ALPK1: variants seen among roughly 807,000 people sequenced by gnomAD.
ALPK1 encodes alpha kinase 1, also known as alpha-protein kinase 1.
Under a neutral mutation model 120.6 loss-of-function variants are expected in ALPK1, and 110 were observed. The observed-to-expected ratio is 0.91, with a 90% CI of 0.78 to 1.07. The LOEUF is 1.07. Among genes scored for constraint, ALPK1 ranks in the 50% least tolerant of loss-of-function variants. The pLI, the probability that ALPK1 is intolerant of heterozygous loss-of-function variation, is 0.00. For synonymous variants in ALPK1, 582 were observed against 560.3 expected (o/e 1.04, Z -0.55); for missense variants, 1,498 against 1,483.9 (o/e 1.01, Z -0.16).
chr4:112,382,316 T>A, intron 3 of ALPK1, 82 bp from the exon 4 acceptor site: 5 of 912,574 alleles, frequency 5.5e-6, no homozygotes, highest in Non-Finnish European at 8.0e-6. Flanking sequence ...TTTTTGCCAC[T>A]GAGGTGCTTC....
chr4:112,331,352 TGA>T (rs1313904773), intron 2 of ALPK1, among the ~76,000 whole-genome samples: 1 of 152,240 alleles, frequency 6.6e-6, no homozygotes, highest in Non-Finnish European at 1.5e-5. Context: ...AAACCCATTC[TGA>T]GAGGTCCATC....
At chr4:112,432,652 A>G (rs1326898104) in intron 11 of ALPK1, 71 bp downstream of exon 11, 11 of 1,415,940 alleles carry the variant, frequency 7.8e-6, no homozygotes, top group South Asian at 1.3e-5. Context: ...AGAGCTTGGT[A>G]TGTAGATCAC....
intron 5 of ALPK1, among the ~76,000 whole-genome samples, chr4:112,415,526 A>C (rs1733701950): frequency 6.6e-6 from 1 of 152,038 alleles, no homozygotes; most frequent in Non-Finnish European, 1.5e-5. Flanking sequence ...AATCCCAGCT[A>C]CTTGGGAGGC....
At chr4:112,299,201 T>C (rs947760807) in intron 1 of ALPK1, among the ~76,000 whole-genome samples, 1 of 152,150 alleles carries the variant, frequency 6.6e-6, no homozygotes, top group Non-Finnish European at 1.5e-5. Flanking sequence ...TATAGAGAAC[T>C]GTGGGATAGA....
At chr4:112,329,902 G>A (rs1465015206) in intron 2 of ALPK1, among the ~76,000 whole-genome samples, 1 of 152,224 alleles carries the variant, frequency 6.6e-6, no homozygotes, top group Non-Finnish European at 1.5e-5. Context: ...CTGTGTGACA[G>A]AGTTGCTAAG....
At chr4:112,324,778 G>T (rs17589619) in intron 2 of ALPK1, among the ~76,000 whole-genome samples, 3,063 of 152,232 alleles carry the variant, frequency 0.02, 103 homozygotes, top group East Asian at 0.15. Context: ...CACCAGGCCT[G>T]ATCTCTCATT....
chr4:112,316,885 G>T (rs1289668429), intron 2 of ALPK1, among the ~76,000 whole-genome samples: 1 of 151,946 alleles, frequency 6.6e-6, no homozygotes, highest in Non-Finnish European at 1.5e-5. Context: ...ATCAAGGAAT[G>T]ACTCGCATTC....
At chr4:112,320,893 C>CT (rs1430803675) in intron 2 of ALPK1, among the ~76,000 whole-genome samples, 11 of 119,210 alleles carry the variant, frequency 9.2e-5, no homozygotes, top group African/African-American at 3.4e-4. Context: ...TCACCCATTT[C>CT]TTTCTTTTTT....
In ALPK1 at chr4:112,431,079, A is replaced by G. The variant is rs761155652; in HGVS notation, c.1532A>G (p.His511Arg). Residue 511 changes from histidine to arginine, a missense_variant, in exon 11 of 16, where the codon CAT (histidine) becomes CGT (arginine). Transcript: ENST00000650871. Reference protein sequence around the residue: ...DTVSTTQEKPHCQRDTGISSS... With the variant: ...DTVSTTQEKPRCQRDTGISSS... ...GTGAGTACTACTCAAGAAAAGCCACATTGTCAAAGAGACACAGGAATATCT... is the reference window on the plus strand; with the variant it reads ...GTGAGTACTACTCAAGAAAAGCCACGTTGTCAAAGAGACACAGGAATATCT... 1.9e-6 allele frequency: 3 copies of G among 1,614,258 alleles called. No individual in the cohort carries two copies. The highest frequency in any genetic ancestry group is 3.3e-5 in the Admixed American group (2 of 60,034).
Position 112,437,179 on chromosome 4 carries a change from A to G in ALPK1, c.3189-1305A>G, listed in dbSNP as rs544242933. Among the ~76,000 whole-genome samples the G allele has an allele frequency of 1.4e-4, 22 of 152,298 alleles. 1 individual carries two copies. Among genetic ancestry groups the G allele is most frequent in the African/African-American group, 4.6e-4 (19 of 41,574 alleles). On this transcript the variant is annotated intron_variant, in intron 12 of 15. Coordinates refer to ENST00000650871, the MANE Select transcript of ALPK1 (RefSeq NM_025144.4). ...GAAAATAGACAGATTACGTACATAG[A>G]AATGTCAATTTGACCTACAGCTGGT... is the stretch of plus-strand genomic sequence containing the variant.
intron 4 of ALPK1, among the ~76,000 whole-genome samples, chr4:112,410,085 T>A (rs1733382900): frequency 6.6e-6 from 1 of 152,342 alleles, no homozygotes; most frequent in South Asian, 2.1e-4. Context: ...ATGCATATGG[T>A]ATTTATTAAC....
chr4:112,439,640 T>C, intron 13 of ALPK1, 46 bp from the exon 14 acceptor site: 1 of 1,513,470 alleles, frequency 6.6e-7, no homozygotes, highest in Non-Finnish European at 8.9e-7. Context: ...CCAAAGACAA[T>C]GGCCTTTACC....
At chr4:112,409,533 A>G (rs2148747604) in intron 4 of ALPK1, among the ~76,000 whole-genome samples, 1 of 152,194 alleles carries the variant, frequency 6.6e-6, no homozygotes, top group South Asian at 2.1e-4. Flanking sequence ...CCAAAATTAT[A>G]TAGACGTCCC....
intron 9 of ALPK1, among the ~76,000 whole-genome samples, chr4:112,428,690 C>A (rs753285590): frequency 6.6e-6 from 1 of 152,186 alleles, no homozygotes; most frequent in African/African-American, 2.4e-5. Flanking sequence ...GTCCCTCCCC[C>A]ACAACAGAAA....
chr4:112,439,848 A>G lies in ALPK1; in HGVS notation c.3514A>G (p.Arg1172Gly). The change falls in exon 14 of 16, where the codon AGA becomes GGA. Residue 1172 changes from arginine (R) to glycine (G), a missense_variant. Coordinates refer to ENST00000650871, the MANE Select transcript of ALPK1 (RefSeq NM_025144.4). ...GHFSYEFSNH[R>G]DVVVDLQGWV... The stretch of plus-strand genomic sequence containing the variant: ...TTTTTCTTATGAGTTTTCTAATCAT[A>G]GAGATGTTGTGGTCGATTTACAAGG... 6.2e-7 allele frequency: 1 copy of G among 1,608,954 alleles called. No individual in the cohort carries two copies. The highest frequency in any genetic ancestry group is 8.5e-7 in the Non-Finnish European group (1 of 1,178,650).
intron 13 of ALPK1, among the ~76,000 whole-genome samples, chr4:112,439,471 G>T (rs1263555404): frequency 6.6e-6 from 1 of 152,162 alleles, no homozygotes. Context: ...TCTATGACAT[G>T]CCACATGCCG....
intron 12 of ALPK1, among the ~76,000 whole-genome samples, chr4:112,438,159 G>A (rs1354955114): frequency 1.3e-5 from 2 of 152,170 alleles, no homozygotes; most frequent in East Asian, 3.8e-4. Context: ...GGAAGGTTTT[G>A]ACTCCAGAAT....
chr4:112,356,419 G>A (rs1730615412), intron 2 of ALPK1: 1 of 867,954 alleles, frequency 1.2e-6, no homozygotes, highest in Admixed American at 1.7e-5. Flanking sequence ...GCTGATAATG[G>A]AGACCCCTTA....
intron 2 of ALPK1, among the ~76,000 whole-genome samples, chr4:112,350,189 G>A (rs967000963): frequency 6.6e-6 from 1 of 152,134 alleles, no homozygotes; most frequent in African/African-American, 2.4e-5. Flanking sequence ...AAGACAGATT[G>A]CTCCTTTGTG....
Sources: allele counts gnomAD v4.1 joint callset (sites outside exome capture counted in the v4.1 genomes callset), GRCh38; gene constraint gnomAD v4.1.1; transcripts MANE v1.5; gene names NCBI Gene and HGNC (gene_info 2026-07-23, HGNC 2026-07-21).